Variants in OPRM1 observed in about 807,000 individuals in gnomAD.
OPRM1 encodes the protein mu-type opioid receptor.
In OPRM1, 27 loss-of-function variants were observed where a neutral mutation model predicts 31.8. The observed-to-expected ratio is 0.85, with a 90% CI of 0.63 to 1.17. OPRM1 has a LOEUF of 1.17. OPRM1 is among the 50% of genes most tolerant of loss of function. The pLI is 0.00. For synonymous variants in OPRM1, 196 were observed against 189.9 expected (o/e 1.03, Z -0.26); for missense variants, 536 against 511.1 (o/e 1.05, Z -0.47).
At chr6:154,110,254 T>C (rs1583590724) in intron 3 of OPRM1, 1 of 613,140 alleles carries the variant, frequency 1.6e-6, no homozygotes, top group Non-Finnish European at 2.8e-6. Flanking sequence ...AAAAAATCTA[T>C]GTACCTTTGG....
intron 3 of OPRM1, among the ~76,000 whole-genome samples, chr6:154,181,633 G>T (rs1457590470): frequency 1.3e-5 from 2 of 152,200 alleles, no homozygotes; most frequent in African/African-American, 4.8e-5. Flanking sequence ...ATCCCTGCTT[G>T]AACTACTGCA....
At chr6:154,235,652 A>G (rs1419514027) in intron 3 of OPRM1, among the ~76,000 whole-genome samples, 1 of 152,194 alleles carries the variant, frequency 6.6e-6, no homozygotes, top group Non-Finnish European at 1.5e-5. Context: ...GGAACTTTCA[A>G]ATCTCTTCAA....
chr6:154,237,268 C>T (rs780180288), intron 3 of OPRM1, among the ~76,000 whole-genome samples: 7 of 152,238 alleles, frequency 4.6e-5, no homozygotes, highest in Non-Finnish European at 8.8e-5. Context: ...TCACCATTAA[C>T]TCATGTGTTA....
chr6:154,235,157 C>T (rs899445353), intron 3 of OPRM1, among the ~76,000 whole-genome samples: 3 of 152,148 alleles, frequency 2.0e-5, no homozygotes, highest in Non-Finnish European at 4.4e-5. Flanking sequence ...GGTTATTACA[C>T]GAGTTGGGAG....
At chr6:154,052,746 ATT>A (rs1158406441) in intron 1 of OPRM1, among the ~76,000 whole-genome samples, 1 of 152,190 alleles carries the variant, frequency 6.6e-6, no homozygotes, top group Admixed American at 6.5e-5. Context: ...TTGATTACAT[ATT>A]GTTTACTACA....
intron 3 of OPRM1, among the ~76,000 whole-genome samples, chr6:154,116,899 T>C (rs759885179): frequency 1.3e-5 from 2 of 152,198 alleles, no homozygotes; most frequent in Non-Finnish European, 2.9e-5. Context: ...ATCTGCATCT[T>C]GGTACTCTCT....
intron 3 of OPRM1, among the ~76,000 whole-genome samples, chr6:154,187,595 T>C (rs1241994753): frequency 1.3e-5 from 2 of 152,202 alleles, no homozygotes; most frequent in Non-Finnish European, 2.9e-5. Context: ...TGTAATATCA[T>C]GATTGTCGAA....
intron 1 of OPRM1, among the ~76,000 whole-genome samples, chr6:154,076,453 A>T (rs1385785229): frequency 6.6e-6 from 1 of 152,204 alleles, no homozygotes. Context: ...AAATAGATGA[A>T]ATTATTTTCA....
At chr6:154,164,794 T>C (rs1377047239) in intron 3 of OPRM1, among the ~76,000 whole-genome samples, 2 of 152,190 alleles carry the variant, frequency 1.3e-5, no homozygotes, top group Non-Finnish European at 2.9e-5. Context: ...CATTAATAAC[T>C]TATTTTAAAA....
At chr6:154,235,688 C>T (rs1010747603) in intron 3 of OPRM1, among the ~76,000 whole-genome samples, 5 of 152,142 alleles carry the variant, frequency 3.3e-5, no homozygotes, top group Non-Finnish European at 7.3e-5. Flanking sequence ...TTCGTCTGTA[C>T]TATTAAAATA....
In OPRM1 at chr6:154,118,678, T is replaced by C. The variant is rs779931574; in HGVS notation, c.1165-5T>C. 1 of 1,613,082 alleles carries C rather than the reference T, an allele frequency of 6.2e-7. No homozygotes were observed. Among genetic ancestry groups the C allele is most frequent in the African/African-American group, 1.3e-5 (1 of 74,918 alleles). ...TCACTGTCTTTGCTCTTTCTCTCCTTTCAGCTAGAAAATCTGGAAGCAGAA... is the reference window on the plus strand; with the variant it reads ...TCACTGTCTTTGCTCTTTCTCTCCTCTCAGCTAGAAAATCTGGAAGCAGAA... On this transcript the variant is annotated splice_region_variant and splice_polypyrimidine_tract_variant and intron_variant, in intron 3 of 3. Transcript: ENST00000330432.
rs892844396 is a variant in OPRM1 at position 154,131,893 on chromosome 6, C to A, written c.*13172C>A. 1.8e-4 allele frequency among the ~76,000 whole-genome samples: 27 copies of A among 149,632 alleles called. No individual in the cohort carries two copies. The highest frequency in any genetic ancestry group is 6.4e-4 in the African/African-American group (26 of 40,820). ...AAAAGGAATGTTAAAAAAAAACACA[C>A]AACATTGTTTTCCTTTTGATGGTCT... On this transcript the variant is annotated 3_prime_UTR_variant, in exon 4 of 4. Transcript: ENST00000330432.
At chr6:154,012,921 A>C (rs1453643870) in intron 1 of OPRM1, among the ~76,000 whole-genome samples, 3 of 152,094 alleles carry the variant, frequency 2.0e-5, no homozygotes, top group Non-Finnish European at 4.4e-5. Flanking sequence ...AAGGGCACTC[A>C]TCCCATCATA....
At chr6:154,202,826 A>G (rs570780027) in intron 3 of OPRM1, among the ~76,000 whole-genome samples, 1 of 152,008 alleles carries the variant, frequency 6.6e-6, no homozygotes, top group South Asian at 2.1e-4. Flanking sequence ...CCACTTATAA[A>G]TTTCATTTTT....
rs756887247 is a variant in OPRM1 at position 154,168,306 on chromosome 6, G to T, written c.1164+76834G>T. Among the ~76,000 whole-genome samples, 1 of 152,108 alleles carries T rather than the reference G, an allele frequency of 6.6e-6. No individual in the cohort carries two copies. Among genetic ancestry groups the T allele is most frequent in the African/African-American group, 2.4e-5 (1 of 41,424 alleles). Reference sequence around the variant, plus strand: ...CGATACTTTGTTACTGCAGAGCCACGTTCCCTGTGAAGGCACCAGGGAAGG... The same window carrying T: ...CGATACTTTGTTACTGCAGAGCCACTTTCCCTGTGAAGGCACCAGGGAAGG... On this transcript the variant is annotated intron_variant, in intron 3 of 3. Coordinates refer to the OPRM1 transcript ENST00000337049. The surrounding 1 kb of genome is among the most constrained non-coding windows in gnomAD (Gnocchi z 4.1).
intron 1 of OPRM1, among the ~76,000 whole-genome samples, chr6:154,041,826 T>G (rs977495179): frequency 1.3e-5 from 2 of 152,200 alleles, no homozygotes; most frequent in East Asian, 3.8e-4. Flanking sequence ...AACATAATAT[T>G]TTATTCCCTT....
At chr6:154,246,549 T>G in intron 3 of OPRM1, 2 of 1,574,074 alleles carry the variant, frequency 1.3e-6, no homozygotes, top group Non-Finnish European at 1.7e-6. Context: ...AACGTATCCC[T>G]CATTAAAACG....
Position 154,237,729 on chromosome 6 carries a change from A to C in OPRM1, c.1165-8964A>C, listed in dbSNP as rs575622499. 3.7e-3 allele frequency among the ~76,000 whole-genome samples: 556 copies of C among 152,298 alleles called. 2 individuals are homozygous for C. The highest frequency in any genetic ancestry group is 5.6e-3 in the Non-Finnish European group (383 of 68,028). On this transcript the variant is annotated intron_variant, in intron 3 of 3. Coordinates refer to the OPRM1 transcript ENST00000337049. Reference sequence around the variant, plus strand: ...CCAGGTGCCATTTGTCCCTTATACCATGCTGCCGAAATCCACCTTACTGCT... The same window carrying C: ...CCAGGTGCCATTTGTCCCTTATACCCTGCTGCCGAAATCCACCTTACTGCT...
At chr6:154,039,136 C>T, upstream of OPRM1, 2 of 1,546,922 alleles carry the variant, frequency 1.3e-6, no homozygotes, top group Non-Finnish European at 8.7e-7. Context: ...TCTCCCCAAC[C>T]CTTCTCTCCA....
Sources: gnomAD v4.1 joint callset for allele counts (sites outside exome capture counted in the v4.1 genomes callset) on GRCh38, gnomAD v4.1.1 for gene constraint, Gnocchi (gnomAD v3.1) non-coding constraint, MANE v1.5 for transcripts, NCBI Gene and HGNC (gene_info 2026-07-23, HGNC 2026-07-21) for gene names.